The following DCBLD2 variants were observed in gnomAD, a reference collection of about 807,000 sequenced individuals.
The protein encoded by DCBLD2 is discoidin, CUB and LCCL domain-containing protein 2.
Under a neutral mutation model 86.8 loss-of-function variants are expected in DCBLD2, and 54 were observed. The ratio of observed to expected loss-of-function variants is 0.62; its 90% CI spans 0.50 to 0.78. The LOEUF is 0.78. Among genes scored for constraint, DCBLD2 ranks in the 30% least tolerant of loss-of-function variants. The pLI, the probability that DCBLD2 is intolerant of heterozygous loss-of-function variation, is 0.00. For missense variants in DCBLD2, 908 were observed against 954.2 expected, an observed-to-expected ratio of 0.95 and a Z score of 0.64; for synonymous variants, 354 against 341.3, an observed-to-expected ratio of 1.04 and a Z score of -0.41.
chr3:98,876,411 G>GAAAAAAAA (rs1488329797), intron 2 of DCBLD2, among the ~76,000 whole-genome samples: 1 of 2,330 alleles, frequency 4.3e-4, no homozygotes, highest in Admixed American at 6.2e-3. Flanking sequence ...GAGATAAAAA[G>GAAAAAAAA]TAAAAAAAAA....
At position 98,892,377 on chromosome 3, in the gene DCBLD2, T is replaced by A. The variant is rs536351474; in HGVS notation, c.205+8745A>T. On this transcript the variant is annotated intron_variant, in intron 1 of 15. Coordinates refer to ENST00000326840, the MANE Select transcript of DCBLD2 (RefSeq NM_080927.4). ...TTTATCTAGTACCCTGCCTTATCCT[T>A]CTCTGGAAGGTGCTCTGCAGTTTCC... Among the ~76,000 whole-genome samples, 3 of 152,198 alleles carry A rather than the reference T, an allele frequency of 2.0e-5. No homozygotes were observed. In the South Asian group the frequency reaches 6.2e-4, roughly 32 times the overall value.
At chr3:98,835,019 C>G (rs1306734351) in intron 3 of DCBLD2, among the ~76,000 whole-genome samples, 1 of 148,952 alleles carries the variant, frequency 6.7e-6, no homozygotes, top group African/African-American at 2.4e-5. Context: ...GTCATCCAGG[C>G]TAGAGTGCAA....
intron 13 of DCBLD2, among the ~76,000 whole-genome samples, chr3:98,806,798 C>G (rs1012426527): frequency 2.0e-5 from 3 of 152,188 alleles, no homozygotes; most frequent in Non-Finnish European, 4.4e-5. Context: ...TCTAACTGCA[C>G]AAGCCAGAAA....
chr3:98,805,855 T>C (rs1941829419), intron 13 of DCBLD2, among the ~76,000 whole-genome samples: 1 of 152,162 alleles, frequency 6.6e-6, no homozygotes, highest in Non-Finnish European at 1.5e-5. Flanking sequence ...CACCCTGTGC[T>C]TTAATAACAG....
chr3:98,871,602 C>G (rs1943283304), intron 2 of DCBLD2, among the ~76,000 whole-genome samples: 1 of 151,254 alleles, frequency 6.6e-6, no homozygotes, highest in African/African-American at 2.5e-5. Flanking sequence ...TATGTCAAAT[C>G]ATCCTTGCAT....
At position 98,839,203 on chromosome 3, in the gene DCBLD2, C is replaced by CTTT. The variant is rs1420414886; in HGVS notation, c.571+10257_571+10258insAAA. Among the ~76,000 whole-genome samples, 988 of 144,960 alleles carry CTTT rather than the reference C, an allele frequency of 6.8e-3. 10 individuals carry two copies. Among genetic ancestry groups the CTTT allele is most frequent in the African/African-American group, 0.024 (874 of 36,224 alleles). ...TTCTTCCTTCCTTCCTTCCTTCCTTCCTTCTTTCTTTCCTTCTTTCCTTCT... is the reference window on the plus strand; with the variant it reads ...TTCTTCCTTCCTTCCTTCCTTCCTTCTTTCTTCTTTCTTTCCTTCTTTCCTTCT... On this transcript the variant is annotated intron_variant, in intron 3 of 15. Transcript: ENST00000326840.
intron 3 of DCBLD2, among the ~76,000 whole-genome samples, chr3:98,836,103 T>C (rs1219086949): frequency 7.2e-6 from 1 of 139,022 alleles, no homozygotes. Flanking sequence ...TGCAATATTA[T>C]TATTTTAAAT....
intron 2 of DCBLD2, among the ~76,000 whole-genome samples, chr3:98,864,252 G>A (rs1214387839): frequency 1.3e-5 from 2 of 152,190 alleles, no homozygotes; most frequent in African/African-American, 2.4e-5. Flanking sequence ...TTAAATTGTT[G>A]GTGGGACTGT....
At chr3:98,828,980 G>A (rs1048037871) in intron 3 of DCBLD2, among the ~76,000 whole-genome samples, 3 of 152,150 alleles carry the variant, frequency 2.0e-5, no homozygotes, top group African/African-American at 7.2e-5. Flanking sequence ...ATAAAAAGTA[G>A]ATTCGTGGTT....
chr3:98,844,821 G>C (rs1282691257), intron 3 of DCBLD2, among the ~76,000 whole-genome samples: 1 of 152,148 alleles, frequency 6.6e-6, no homozygotes, highest in Non-Finnish European at 1.5e-5. Context: ...ATACCACAAA[G>C]GTCCACATAC....
At chr3:98,870,315 C>T (rs1368684190) in intron 2 of DCBLD2, among the ~76,000 whole-genome samples, 2 of 152,048 alleles carry the variant, frequency 1.3e-5, no homozygotes, top group Non-Finnish European at 2.9e-5. Flanking sequence ...ATTTTTATAC[C>T]AGTTGTCATA....
intron 2 of DCBLD2, among the ~76,000 whole-genome samples, chr3:98,876,990 T>C (rs892989528): frequency 3.9e-5 from 6 of 152,000 alleles, no homozygotes; most frequent in Non-Finnish European, 7.4e-5. Context: ...TATAAAGAAG[T>C]ACGGAAAAGA....
At chr3:98,872,583 G>A (rs964762578) in intron 2 of DCBLD2, among the ~76,000 whole-genome samples, 1 of 152,132 alleles carries the variant, frequency 6.6e-6, no homozygotes, top group Admixed American at 6.5e-5. Flanking sequence ...GGGTACAGAA[G>A]GAAGGGGAAA....
At chr3:98,864,075 T>C (rs898195778) in intron 2 of DCBLD2, among the ~76,000 whole-genome samples, 4 of 152,226 alleles carry the variant, frequency 2.6e-5, no homozygotes, top group Non-Finnish European at 4.4e-5. Context: ...AAAGAAGACA[T>C]TTATGCAGCC....
chr3:98,810,126 A>G (rs1302649760), intron 12 of DCBLD2, among the ~76,000 whole-genome samples: 2 of 152,204 alleles, frequency 1.3e-5, no homozygotes, highest in African/African-American at 4.8e-5. Context: ...GACTCTTTTT[A>G]GCCTTGAGGG....
At chr3:98,858,309 C>G (rs1161910019) in intron 2 of DCBLD2, among the ~76,000 whole-genome samples, 2 of 152,246 alleles carry the variant, frequency 1.3e-5, no homozygotes, top group African/African-American at 4.8e-5. Context: ...GCCTCTCCCT[C>G]CACACCTACC....
rs763032619 is a variant in DCBLD2, at chr3:98,881,737, G to T, written c.236C>A (p.Pro79His). 14 of 1,613,644 alleles carry T rather than the reference G, an allele frequency of 8.7e-6. No individual in the cohort carries two copies. The South Asian group carries it at 1.5e-4, about 18-fold the overall frequency. The stretch of plus-strand genomic sequence containing the variant: ...TATGGATGTAAGGGTTCCACTCTCA[G>T]GGCCTAGTACAGTGTGTCCACATCC... ...GDGCGHTVLGPESGTLTSINY... is the reference protein window; with the variant it reads ...GDGCGHTVLGHESGTLTSINY... The change falls in exon 2 of 16, where the codon CCT (proline) becomes CAT (histidine). Residue 79 changes from proline (P) to histidine (H), a missense_variant. Pro to His is a moderately conservative substitution (Grantham distance 77). Transcript: ENST00000326840.
At chr3:98,888,168 T>A (rs1200512122) in intron 1 of DCBLD2, among the ~76,000 whole-genome samples, 1 of 152,006 alleles carries the variant, frequency 6.6e-6, no homozygotes, top group East Asian at 1.9e-4. Context: ...AGCTCATTTA[T>A]TTAATTTTTA....
intron 3 of DCBLD2, among the ~76,000 whole-genome samples, chr3:98,834,070 G>T (rs888228505): frequency 1.3e-4 from 19 of 151,420 alleles, no homozygotes; most frequent in African/African-American, 4.1e-4. Flanking sequence ...GGCTCCTCTG[G>T]CCCTGTGTCG....
Sources: gnomAD v4.1 joint callset for allele counts (sites outside exome capture counted in the v4.1 genomes callset) on GRCh38, gnomAD v4.1.1 for gene constraint, MANE v1.5 for transcripts, NCBI Gene and HGNC (gene_info 2026-07-23, HGNC 2026-07-21) for gene names.